TMEM178B: variants seen among roughly 807,000 people sequenced by gnomAD.
TMEM178B encodes the protein transmembrane protein 178B.
In TMEM178B, 5 loss-of-function variants were observed where a neutral mutation model predicts 31.0. That is an observed-to-expected ratio of 0.16 (90% CI 0.08 to 0.34). The LOEUF (loss-of-function observed/expected upper bound fraction) is 0.34, where lower values mean the gene tolerates loss of function less well. Among genes scored for constraint, TMEM178B ranks in the 10% least tolerant of loss-of-function variants. TMEM178B has a pLI of 1.00. For missense variants in TMEM178B, 275 were observed against 400.3 expected (o/e 0.69, Z 2.67); for synonymous variants, 164 against 164.0 (o/e 1.00, Z 0.00).
At chr7:141,167,433 G>A (rs1388818179) in intron 1 of TMEM178B, among the ~76,000 whole-genome samples, 1 of 152,224 alleles carries the variant, frequency 6.6e-6, no homozygotes, top group African/African-American at 2.4e-5. Flanking sequence ...GAGTGTGCGC[G>A]AATCGTGTTG....
intron 3 of TMEM178B, among the ~76,000 whole-genome samples, chr7:141,453,680 G>C (rs1801907581): frequency 1.3e-5 from 2 of 152,210 alleles, no homozygotes; most frequent in Admixed American, 1.3e-4. Flanking sequence ...GGGAGCTAAT[G>C]GTTGAGGCTG....
intron 2 of TMEM178B, among the ~76,000 whole-genome samples, chr7:141,375,817 T>C (rs1325195348): frequency 6.6e-6 from 1 of 152,160 alleles, no homozygotes; most frequent in Non-Finnish European, 1.5e-5. Context: ...GAGATCATTT[T>C]TGGGGAAAAG....
At chr7:141,235,080 A>G (rs1344409170) in intron 2 of TMEM178B, among the ~76,000 whole-genome samples, 1 of 152,204 alleles carries the variant, frequency 6.6e-6, no homozygotes, top group Non-Finnish European at 1.5e-5. Context: ...AATGTTCTAG[A>G]GTATTAGCAT....
chr7:141,111,179 A>T (rs374393771), intron 1 of TMEM178B, among the ~76,000 whole-genome samples: 2 of 152,206 alleles, frequency 1.3e-5, no homozygotes, highest in Non-Finnish European at 2.9e-5. Flanking sequence ...GCGGAAGGTG[A>T]TGGAGGAGCA....
chr7:141,497,215 G>A, the TMEM178B span, among the ~76,000 whole-genome samples: 3 of 152,198 alleles, frequency 2.0e-5, no homozygotes, highest in African/African-American at 7.2e-5. Context: ...TCAGGCAGGG[G>A]ATCTTTACCT....
intron 2 of TMEM178B, among the ~76,000 whole-genome samples, chr7:141,340,916 A>G (rs1799505888): frequency 6.6e-6 from 1 of 152,180 alleles, no homozygotes; most frequent in South Asian, 2.1e-4. Flanking sequence ...TGAATTATGT[A>G]TCTGTTTGGT....
At chr7:141,423,822 T>C (rs2116656715) in intron 2 of TMEM178B, among the ~76,000 whole-genome samples, 1 of 149,514 alleles carries the variant, frequency 6.7e-6, no homozygotes, top group South Asian at 2.2e-4. Flanking sequence ...TTTTTTTTTT[T>C]TTTTGAAATG....
intron 2 of TMEM178B, among the ~76,000 whole-genome samples, chr7:141,317,115 T>C (rs1799019009): frequency 6.6e-6 from 1 of 152,198 alleles, no homozygotes; most frequent in African/African-American, 2.4e-5. Context: ...GAGTTTATCC[T>C]ACATCTGTCT....
At chr7:141,287,645 C>T (rs1798468196) in intron 2 of TMEM178B, among the ~76,000 whole-genome samples, 1 of 152,188 alleles carries the variant, frequency 6.6e-6, no homozygotes, top group Non-Finnish European at 1.5e-5. Context: ...TCTCCTCCCA[C>T]CAGATCTAGA....
chr7:141,216,781 C>G (rs1257507044), intron 2 of TMEM178B, among the ~76,000 whole-genome samples: 1 of 152,118 alleles, frequency 6.6e-6, no homozygotes, highest in Non-Finnish European at 1.5e-5. Flanking sequence ...TCCTACCCAC[C>G]CACTATCTGG....
intron 2 of TMEM178B, among the ~76,000 whole-genome samples, chr7:141,368,073 C>G (rs1218161235): frequency 1.3e-5 from 2 of 152,212 alleles, no homozygotes. Flanking sequence ...AATCCCAGCA[C>G]TTTGGGAGGC....
chr7:141,283,018 C>T, intron 2 of TMEM178B, among the ~76,000 whole-genome samples: 1 of 152,170 alleles, frequency 6.6e-6, no homozygotes, highest in East Asian at 1.9e-4. Context: ...CCTAATAATG[C>T]TTCCTCTAAT....
chr7:141,311,963 G>A (rs988166333), intron 2 of TMEM178B, among the ~76,000 whole-genome samples: 3 of 152,194 alleles, frequency 2.0e-5, no homozygotes, highest in Non-Finnish European at 4.4e-5. Flanking sequence ...GTACTGATTA[G>A]CACCGTTGAA....
chr7:141,360,665 C>T (rs900482454), intron 2 of TMEM178B, among the ~76,000 whole-genome samples: 2 of 152,110 alleles, frequency 1.3e-5, no homozygotes, highest in Admixed American at 6.5e-5. Flanking sequence ...CCAGAGTTAG[C>T]GTTATGTAGG....
chr7:141,502,769 TA>T, the TMEM178B span, among the ~76,000 whole-genome samples: 90,372 of 146,236 alleles, frequency 0.62, 31,556 homozygotes, highest in Non-Finnish European at 0.81. Flanking sequence ...AAACTCAGTC[TA>T]AAAAAAAAAA....
At chr7:141,264,349 A>G (rs1213670118) in intron 2 of TMEM178B, among the ~76,000 whole-genome samples, 1 of 152,162 alleles carries the variant, frequency 6.6e-6, no homozygotes, top group African/African-American at 2.4e-5. Flanking sequence ...TTAATTCTTT[A>G]CTACACAGTC....
chr7:141,291,797 A>T (rs775286422), intron 2 of TMEM178B, among the ~76,000 whole-genome samples: 54 of 152,162 alleles, frequency 3.5e-4, no homozygotes, highest in Non-Finnish European at 6.6e-4. Context: ...TGAAAAAAAA[A>T]GTCACAGTCT....
chr7:141,410,766 T>C (rs1800971806), intron 2 of TMEM178B, among the ~76,000 whole-genome samples: 1 of 152,180 alleles, frequency 6.6e-6, no homozygotes, highest in African/African-American at 2.4e-5. Context: ...GGACTGTGTA[T>C]ATCATGCAAT....
intron 2 of TMEM178B, among the ~76,000 whole-genome samples, chr7:141,323,423 CCTT>C (rs1236059301): frequency 3.3e-5 from 5 of 152,286 alleles, no homozygotes; most frequent in Admixed American, 6.5e-5. Flanking sequence ...TGTTTTTCAA[CCTT>C]CTTATTTGAC....
Sources: gnomAD v4.1 joint callset for allele counts (sites outside exome capture counted in the v4.1 genomes callset) on GRCh38, gnomAD v4.1.1 for gene constraint, MANE v1.5 for transcripts, NCBI Gene and HGNC (gene_info 2026-07-23, HGNC 2026-07-21) for gene names.